LMTK3: variants seen among roughly 807,000 people sequenced by gnomAD.
The protein encoded by LMTK3 is lemur tail kinase 3, also known as serine/threonine-protein kinase LMTK3.
LMTK3 carries 27 observed loss-of-function variants against 116.7 expected under a neutral mutation model. The ratio of observed to expected loss-of-function variants is 0.23; its 90% CI spans 0.17 to 0.32. The LOEUF (loss-of-function observed/expected upper bound fraction) is 0.32. LMTK3 is among the 10% of genes least tolerant of loss of function. The probability of loss-of-function intolerance (pLI) is 1.00; values close to 1 mark genes in which losing one functional copy is unlikely to be tolerated. For synonymous variants in LMTK3, 965 were observed against 971.0 expected (o/e 0.99, Z 0.11); for missense variants, 1,764 against 2,068.5 (o/e 0.85, Z 2.86).
chr19:48,512,095 G>A (rs918400035), upstream of LMTK3, among the ~76,000 whole-genome samples: 1 of 152,056 alleles, frequency 6.6e-6, no homozygotes, highest in African/African-American at 2.4e-5. Context: ...CCCGGACACC[G>A]CTGTGACATG....
chr19:48,510,660 C>G (rs1198373620), intron 1 of LMTK3, 68 bp from the exon 2 acceptor site: 4 of 1,456,532 alleles, frequency 2.7e-6, no homozygotes, highest in African/African-American at 1.4e-5. Flanking sequence ...TGCCCCCTCC[C>G]GTCCCGGCAC....
chr19:48,512,925 C>T (rs1405675979), upstream of LMTK3, among the ~76,000 whole-genome samples: 1 of 152,158 alleles, frequency 6.6e-6, no homozygotes, highest in Non-Finnish European at 1.5e-5. Context: ...TACACAGACA[C>T]ACAGAGTTGC....
chr19:48,485,455 T>G lies in LMTK3; in HGVS notation c.*318A>C. The G allele has an allele frequency of 2.9e-6, 1 of 339,600 alleles. No homozygotes were observed. 21.0% of individuals were successfully genotyped at this position (339,600 alleles called of 1,614,324 possible). A position where few individuals can be genotyped will look rare whatever the true frequency, so the allele number is the denominator to read the frequency against. ...GGAGTGGGTGAGGAGGGACCTCCGCTGTGTCGAGGGGCTCCAGGCCCAAAA... is the reference window on the plus strand; with the variant it reads ...GGAGTGGGTGAGGAGGGACCTCCGCGGTGTCGAGGGGCTCCAGGCCCAAAA... On this transcript the variant is annotated 3_prime_UTR_variant, in exon 15 of 15. Coordinates refer to ENST00000600059, the MANE Select transcript of LMTK3 (RefSeq NM_001388485.1).
In LMTK3 at chr19:48,491,263, A is replaced by ACC. The variant is rs1972216867; in HGVS notation, c.4229-20_4229-19dup. The ACC allele has an allele frequency of 1.4e-6, 2 of 1,389,222 alleles. No individual in the cohort carries two copies. The highest frequency in any genetic ancestry group is 1.9e-6 in the Non-Finnish European group (2 of 1,068,578). 86.1% of individuals were successfully genotyped at this position (1,389,222 alleles called of 1,614,324 possible). On this transcript the variant is annotated intron_variant, in intron 13 of 14. Transcript: ENST00000600059. This position sits in a 1 kb window ranked among gnomAD's most constrained non-coding sequence, Gnocchi z 5.1. ...ACTGCCTCCTGCGGCAGAAGGAAAG[A>ACC]CCGCGGTCAGGCTGCAGACACCTGC...
intron 1 of LMTK3, among the ~76,000 whole-genome samples, chr19:48,510,987 C>A (rs1244356796): frequency 6.6e-6 from 1 of 152,234 alleles, no homozygotes; most frequent in Non-Finnish European, 1.5e-5. Context: ...TAGCTCTCAG[C>A]TGCAGGCTGG....
rs1483897096 is a variant in LMTK3, at chr19:48,497,204, C to CAA, written c.3676+187_3676+188dup. Among the ~76,000 whole-genome samples, 5 of 152,248 alleles carry CAA rather than the reference C, an allele frequency of 3.3e-5. No homozygotes were observed. The highest frequency in any genetic ancestry group is 6.5e-5 in the Admixed American group (1 of 15,284). ...ATGGGTAAACTGAGGCACCGTGCAG[C>CAA]AAGGACATTTGCCCAAGGCCAAAGA... On this transcript the variant is annotated intron_variant, in intron 11 of 14. Coordinates refer to ENST00000600059, the MANE Select transcript of LMTK3 (RefSeq NM_001388485.1). This position sits in a 1 kb window ranked among gnomAD's most constrained non-coding sequence, Gnocchi z 5.7.
intron 1 of LMTK3, 136 bp from the exon 2 acceptor site, chr19:48,510,728 G>A (rs1972643933): frequency 1.9e-6 from 2 of 1,051,402 alleles, no homozygotes; most frequent in Non-Finnish European, 2.6e-6. Context: ...CAGAGGTGCA[G>A]AGTGGCCCAA....
intron 1 of LMTK3, 46 bp downstream of exon 1, chr19:48,511,455 G>A (rs1972658321): frequency 5.8e-6 from 5 of 860,452 alleles, no homozygotes; most frequent in Non-Finnish European, 8.1e-6. Flanking sequence ...CGAGGCCGCC[G>A]CGGGGGTGGG....
Position 48,498,706 on chromosome 19 carries a change from G to C in LMTK3, c.2363C>G (p.Pro788Arg). The C allele has an allele frequency of 6.5e-7, 1 of 1,534,190 alleles. No homozygotes were observed. Among genetic ancestry groups the C allele is most frequent in the Non-Finnish European group, 8.7e-7 (1 of 1,145,506 alleles). The change falls in exon 11 of 15, where the codon CCC becomes CGC. Residue 788 changes from proline to arginine, a missense_variant. Pro to Arg is a moderately radical substitution (Grantham distance 103, BLOSUM62 -2). Around this residue, in one of 7 missense-constraint regions of LMTK3, gnomAD observed 1,028 missense variants for 1,050.6 expected, o/e 0.98. Transcript: ENST00000600059. ...SPGSGLSSPG[P>R]KPGDSGYETE... ...CTCGTAGCCGCTGTCCCCCGGCTTG[G>C]GGCCCGGCGACGAGAGGCCTGAACC...
At position 48,497,684 on chromosome 19, in the gene LMTK3, T is replaced by C; in HGVS notation, c.3385A>G (p.Ser1129Gly). The change falls in exon 11 of 15, where the codon AGC becomes GGC. Residue 1129 changes from serine (S) to glycine (G), a missense_variant. Physicochemically the swap from Ser to Gly is moderately conservative, Grantham distance 56 (BLOSUM62 0). Around this residue, in one of 7 missense-constraint regions of LMTK3, gnomAD observed 1,028 missense variants for 1,050.6 expected, o/e 0.98. Coordinates refer to ENST00000600059, the MANE Select transcript of LMTK3 (RefSeq NM_001388485.1). The surrounding 1 kb of genome is among the most constrained non-coding windows in gnomAD (Gnocchi z 5.7). The stretch of plus-strand genomic sequence containing the variant: ...CATCCGGCCTTTGCGTCCACGCCGC[T>C]TCCGGGGCCGCCGCCGGGGGCCGTC... ...TGTAPGGGPG[S>G]GVDAKAGWVD... is the part of the protein sequence containing the mutation. 7.6e-7 allele frequency: 1 copy of C among 1,314,044 alleles called. No individual in the cohort carries two copies. The highest frequency in any genetic ancestry group is 2.3e-5 in the South Asian group (1 of 43,162). The allele number at this position is 1,314,044 out of a possible 1,614,324, so 81.4% of individuals were successfully genotyped here.
chr19:48,512,688 C>A (rs1480273500), upstream of LMTK3, among the ~76,000 whole-genome samples: 1 of 151,952 alleles, frequency 6.6e-6, no homozygotes, highest in Non-Finnish European at 1.5e-5. Flanking sequence ...TATACGGACA[C>A]GTAACATGCA....
chr19:48,498,233 T>C lies in LMTK3; in HGVS notation c.2836A>G (p.Asn946Asp), dbSNP rs1245178792. Reference protein sequence around the residue: ...APGIEEKAAENGALGSPEREE... With the variant: ...APGIEEKAAEDGALGSPEREE... ...CTCTCGGGGGACCCCAGGGCCCCATTCTCCGCCGCCTTCTCCTCGATGCCT... is the reference window on the plus strand; with the variant it reads ...CTCTCGGGGGACCCCAGGGCCCCATCCTCCGCCGCCTTCTCCTCGATGCCT... Residue 946 changes from asparagine (N) to aspartate (D), a missense_variant, in exon 11 of 15, where the codon AAT becomes GAT. Coordinates refer to ENST00000600059, the MANE Select transcript of LMTK3 (RefSeq NM_001388485.1). The C allele has an allele frequency of 6.2e-7, 1 of 1,613,310 alleles. No homozygotes were observed. Among genetic ancestry groups the C allele is most frequent in the African/African-American group, 1.3e-5 (1 of 74,810 alleles).
chr19:48,510,360 C>A, intron 2 of LMTK3, 99 bp downstream of exon 2: 1 of 1,484,654 alleles, frequency 6.7e-7, no homozygotes, highest in Non-Finnish European at 9.0e-7. Context: ...AAGGTGCTCT[C>A]GGATTTACTG....
Position 48,497,181 on chromosome 19 carries a change from G to T in LMTK3, c.3676+212C>A, listed in dbSNP as rs75344689. ...TCCCTGCCATCCGTTTTTGGCAGAT[G>T]GGTAAACTGAGGCACCGTGCAGCAA... On this transcript the variant is annotated intron_variant, in intron 11 of 14. Coordinates refer to ENST00000600059, the MANE Select transcript of LMTK3 (RefSeq NM_001388485.1). The surrounding 1 kb of genome is among the most constrained non-coding windows in gnomAD (Gnocchi z 5.7). Among the ~76,000 whole-genome samples, 1,845 of 152,312 alleles carry T rather than the reference G, an allele frequency of 0.012. 32 individuals carry two copies. Among genetic ancestry groups the T allele is most frequent in the African/African-American group, 0.041 (1,716 of 41,570 alleles).
chr19:48,497,712 C>G lies in LMTK3; in HGVS notation c.3357G>C (p.Thr1119=). The G allele has an allele frequency of 7.5e-7, 1 of 1,331,190 alleles. No individual in the cohort carries two copies. Among genetic ancestry groups the G allele is most frequent in the Non-Finnish European group, 9.6e-7 (1 of 1,045,506 alleles). The allele number at this position is 1,331,190 out of a possible 1,614,324, so 82.5% of individuals were successfully genotyped here. ...CGGGGCCGCCGCCGGGGGCCGTCCCCGTGCCCACTGGGGCTCGGCCCCCAC... is the reference window on the plus strand; with the variant it reads ...CGGGGCCGCCGCCGGGGGCCGTCCCGGTGCCCACTGGGGCTCGGCCCCCAC... The part of the protein sequence containing the change: ...LGSGGRAPVG[T]GTAPGGGPGS... The change falls in exon 11 of 15, where the codon ACG becomes ACC. Residue 1119 remains threonine (T), a synonymous_variant. Transcript: ENST00000600059. This position sits in a 1 kb window ranked among gnomAD's most constrained non-coding sequence, Gnocchi z 5.7.
intron 9 of LMTK3, 49 bp downstream of exon 9, chr19:48,501,234 C>T: frequency 6.2e-7 from 1 of 1,609,322 alleles, no homozygotes; most frequent in Non-Finnish European, 8.5e-7. Flanking sequence ...ATCTAGTAAC[C>T]CTTCCACCTT....
chr19:48,498,412 C>T lies in LMTK3; in HGVS notation c.2657G>A (p.Gly886Glu). 1.2e-6 allele frequency: 2 copies of T among 1,610,134 alleles called. No homozygotes were observed. Among genetic ancestry groups the T allele is most frequent in the Non-Finnish European group, 1.7e-6 (2 of 1,178,430 alleles). Residue 886 changes from glycine to glutamate, a missense_variant, in exon 11 of 15, where the codon GGA becomes GAA. Physicochemically the swap from Gly to Glu is moderately conservative, Grantham distance 98. Coordinates refer to ENST00000600059, the MANE Select transcript of LMTK3 (RefSeq NM_001388485.1). ...GGGGCCTCTCCCCGCCTTCCTGGGT[C>T]CTGTCTCCCGGGCTGTCGCCCCCTT... is the stretch of plus-strand genomic sequence containing the variant. ...GEKGATARET[G>E]PRKAGRGPGN...
intron 12 of LMTK3, among the ~76,000 whole-genome samples, chr19:48,493,340 C>T (rs1268751444): frequency 6.8e-6 from 1 of 146,692 alleles, no homozygotes; most frequent in East Asian, 2.1e-4. Flanking sequence ...CGCCCCCCAG[C>T]CCGCCCTCTC....
rs1219478467 is a variant in LMTK3 at position 48,485,615 on chromosome 19, C to G, written c.*158G>C. On this transcript the variant is annotated 3_prime_UTR_variant, in exon 15 of 15. Coordinates refer to ENST00000600059, the MANE Select transcript of LMTK3 (RefSeq NM_001388485.1). Reference sequence around the variant, plus strand: ...TGGGGGGCGGGGGCCCGGGGCCTCCCGTTTGGCACATGGTAGGGGAGTGGG... The same window carrying G: ...TGGGGGGCGGGGGCCCGGGGCCTCCGGTTTGGCACATGGTAGGGGAGTGGG... 1.3e-6 allele frequency: 1 copy of G among 743,428 alleles called. No homozygotes were observed. Among genetic ancestry groups the G allele is most frequent in the South Asian group, 1.7e-5 (1 of 57,190 alleles). 46.1% of individuals were successfully genotyped at this position (743,428 alleles called of 1,614,324 possible). A position where few individuals can be genotyped will look rare whatever the true frequency, so the allele number is the denominator to read the frequency against.
Sources: gnomAD v4.1 joint callset for allele counts (sites outside exome capture counted in the v4.1 genomes callset) on GRCh38, gnomAD v4.1.1 for gene constraint, gnomAD v4.1.1 regional missense constraint, Gnocchi (gnomAD v3.1) non-coding constraint, MANE v1.5 for transcripts, NCBI Gene and HGNC (gene_info 2026-07-23, HGNC 2026-07-21) for gene names.